PTPRF: variants seen among roughly 807,000 people sequenced by gnomAD.
PTPRF encodes protein tyrosine phosphatase receptor type F, also known as receptor-type tyrosine-protein phosphatase F.
Under a neutral mutation model 201.8 loss-of-function variants are expected in PTPRF, and 59 were observed. That is an observed-to-expected ratio of 0.29 (90% confidence interval 0.24 to 0.36). The LOEUF (loss-of-function observed/expected upper bound fraction) is 0.36. Ranked by LOEUF, PTPRF falls within the 10% of genes least tolerant of loss-of-function variation. PTPRF has a pLI of 1.00. For missense variants in PTPRF, 2,132 were observed against 2,690.5 expected (o/e 0.79, Z 4.59); for synonymous variants, 1,088 against 1,089.7 (o/e 1.00, Z 0.03).
intron 16 of PTPRF, 74 bp from the exon 17 acceptor site, chr1:43,604,829 C>T: frequency 1.5e-6 from 2 of 1,295,898 alleles, no homozygotes; most frequent in Non-Finnish European, 1.1e-6. Context: ...CCTGGCCATT[C>T]ACCTTCCACC....
At position 43,554,306 on chromosome 1, in the gene PTPRF, G is replaced by A. The variant is rs569010489; in HGVS notation, c.379+365G>A. On this transcript the variant is annotated intron_variant, in intron 5 of 33. Coordinates refer to ENST00000359947, the MANE Select transcript of PTPRF (RefSeq NM_002840.5). This position sits in a 1 kb window ranked among gnomAD's most constrained non-coding sequence, Gnocchi z 4.1. Reference sequence around the variant, plus strand: ...CCGGATTTCCATGTGGAGCCTGGCCGTAGGTGTCAGGCAGGTGTGTTCCTT... The same window carrying A: ...CCGGATTTCCATGTGGAGCCTGGCCATAGGTGTCAGGCAGGTGTGTTCCTT... 2.2e-4 allele frequency among the ~76,000 whole-genome samples: 33 copies of A among 152,314 alleles called. No individual in the cohort carries two copies. The South Asian group carries it at 4.3e-3, about 20-fold the overall frequency.
chr1:43,568,168 G>A (rs1646316214), intron 5 of PTPRF, among the ~76,000 whole-genome samples: 1 of 152,014 alleles, frequency 6.6e-6, no homozygotes, highest in Non-Finnish European at 1.5e-5. Context: ...GGTGGTGGGC[G>A]CTTGTAATCC....
At chr1:43,525,910 G>A (rs542127985), upstream of PTPRF, among the ~76,000 whole-genome samples, 4 of 151,852 alleles carry the variant, frequency 2.6e-5, no homozygotes, top group Admixed American at 6.6e-5. Context: ...GAGGCGTCCT[G>A]TAGAAATGGC....
At chr1:43,527,726 G>A (rs1643179139), upstream of PTPRF, among the ~76,000 whole-genome samples, 2 of 152,116 alleles carry the variant, frequency 1.3e-5, no homozygotes, top group Admixed American at 6.5e-5. Context: ...TTGACAATGC[G>A]GGGCAGAGGG....
intron 5 of PTPRF, among the ~76,000 whole-genome samples, chr1:43,563,283 G>A (rs1483881089): frequency 2.6e-5 from 4 of 152,266 alleles, no homozygotes; most frequent in Non-Finnish European, 5.9e-5. Flanking sequence ...GGCTGGGTAG[G>A]TGGGGGTGCC....
At chr1:43,563,435 G>A (rs1394861402) in intron 5 of PTPRF, among the ~76,000 whole-genome samples, 1 of 152,124 alleles carries the variant, frequency 6.6e-6, no homozygotes, top group East Asian at 1.9e-4. Context: ...CTGGCACTCC[G>A]GGGGACATCT....
At chr1:43,558,299 C>A (rs1426105218) in intron 5 of PTPRF, among the ~76,000 whole-genome samples, 3 of 152,134 alleles carry the variant, frequency 2.0e-5, no homozygotes, top group Non-Finnish European at 4.4e-5. Context: ...TCCAGGCCTG[C>A]AGTCTGTTCT....
At chr1:43,607,740 A>G (rs1655479693) in intron 21 of PTPRF, among the ~76,000 whole-genome samples, 2 of 152,198 alleles carry the variant, frequency 1.3e-5, no homozygotes, top group South Asian at 2.1e-4. Context: ...AGGCCCACAC[A>G]GGGTGTGCCC....
Position 43,553,411 on chromosome 1 carries a change from GC to G in PTPRF, c.92-76del, listed in dbSNP as rs2153972357. The G allele has an allele frequency of 6.9e-7, 1 of 1,454,178 alleles. No homozygotes were observed. The highest frequency in any genetic ancestry group is 2.0e-5 in the Admixed American group (1 of 50,918). 90.1% of individuals were successfully genotyped at this position (1,454,178 alleles called of 1,614,324 possible). A position where few individuals can be genotyped will look rare whatever the true frequency, so the allele number is the denominator to read the frequency against. On this transcript the variant is annotated intron_variant, in intron 3 of 33. Coordinates refer to ENST00000359947, the MANE Select transcript of PTPRF (RefSeq NM_002840.5). This position sits in a 1 kb window ranked among gnomAD's most constrained non-coding sequence, Gnocchi z 4.1. The stretch of plus-strand genomic sequence containing the variant: ...GTTTTCTTTGTAGGTCTTTCTCTCT[GC>G]CCCCATGACTGCCACCTTCCTCACT...
intron 11 of PTPRF, among the ~76,000 whole-genome samples, chr1:43,596,307 C>G (rs1380085888): frequency 6.6e-6 from 1 of 152,112 alleles, no homozygotes; most frequent in Non-Finnish European, 1.5e-5. Flanking sequence ...CTGGCAGCCT[C>G]CAGGGCATGA....
At chr1:43,550,375 A>G (rs548239739) in intron 3 of PTPRF, among the ~76,000 whole-genome samples, 1 of 139,874 alleles carries the variant, frequency 7.1e-6, no homozygotes, top group Non-Finnish European at 1.6e-5. Context: ...CCCCAGGCGC[A>G]CTCGCCCGGC....
Position 43,617,809 on chromosome 1 carries a change from G to A in PTPRF, c.4269G>A (p.Thr1423=), listed in dbSNP as rs139539837. The A allele has an allele frequency of 3.1e-5, 50 of 1,614,070 alleles. No individual in the cohort carries two copies. The highest frequency in any genetic ancestry group is 1.7e-4 in the Middle Eastern group (1 of 6,060). The change falls in exon 25 of 34, where the codon ACG becomes ACA. Residue 1423 remains threonine, a synonymous_variant. Transcript: ENST00000359947. ...GYRKQNAYIA[T]QGPLPETMGD... is the part of the protein sequence containing the mutation. ...GCAAGCAGAATGCCTACATCGCCACGCAGGGCCCCCTGCCCGAGACCATGG... is the reference window on the plus strand; with the variant it reads ...GCAAGCAGAATGCCTACATCGCCACACAGGGCCCCCTGCCCGAGACCATGG...
At chr1:43,531,776 G>C (rs1050064770) in intron 1 of PTPRF, among the ~76,000 whole-genome samples, 2 of 152,098 alleles carry the variant, frequency 1.3e-5, no homozygotes, top group Non-Finnish European at 2.9e-5. Flanking sequence ...GACCTGTCCC[G>C]TGAGGACGTG....
intron 7 of PTPRF, among the ~76,000 whole-genome samples, chr1:43,587,705 C>G (rs1294867440): frequency 6.6e-6 from 1 of 152,172 alleles, no homozygotes; most frequent in African/African-American, 2.4e-5. Flanking sequence ...CGCCTTTGGC[C>G]CTGCGTGTGA....
intron 6 of PTPRF, among the ~76,000 whole-genome samples, chr1:43,572,648 C>G (rs544578712): frequency 6.6e-6 from 1 of 152,310 alleles, no homozygotes; most frequent in African/African-American, 2.4e-5. Flanking sequence ...ACTCAGGCCC[C>G]TGAGCACTCA....
At chr1:43,586,171 C>T (rs1400252730) in intron 7 of PTPRF, among the ~76,000 whole-genome samples, 2 of 152,234 alleles carry the variant, frequency 1.3e-5, no homozygotes, top group African/African-American at 4.8e-5. Context: ...GCATGGAAAC[C>T]TGCACCTAGT....
At chr1:43,615,551 CTT>C (rs68193223) in intron 23 of PTPRF, among the ~76,000 whole-genome samples, 197 of 84,110 alleles carry the variant, frequency 2.3e-3, no homozygotes, top group African/African-American at 9.4e-3. Context: ...GCTCTGTTGT[CTT>C]TTTTTTTTTT....
chr1:43,620,792 G>T, intron 31 of PTPRF, 46 bp from the exon 32 acceptor site: 2 of 1,584,146 alleles, frequency 1.3e-6, no homozygotes, highest in Non-Finnish European at 1.7e-6. Context: ...AGGGGTGGCT[G>T]CCTAAGGCAC....
At chr1:43,612,874 AC>A (rs1172421780) in intron 22 of PTPRF, 1 of 1,205,474 alleles carries the variant, frequency 8.3e-7, no homozygotes, top group African/African-American at 1.6e-5. Context: ...ACTTTTGTTT[AC>A]CCCATCGCCT....
Sources: gnomAD v4.1 joint callset for allele counts (sites outside exome capture counted in the v4.1 genomes callset) on GRCh38, gnomAD v4.1.1 for gene constraint, Gnocchi (gnomAD v3.1) non-coding constraint, MANE v1.5 for transcripts, NCBI Gene and HGNC (gene_info 2026-07-23, HGNC 2026-07-21) for gene names.